The following BABAM2 variants were observed in gnomAD, a reference collection of about 807,000 sequenced individuals.
BABAM2 encodes the protein BRISC and BRCA1-A complex member 2.
A neutral mutation model predicts 54.7 loss-of-function variants in BABAM2; 31 were observed. The observed-to-expected ratio is 0.57, with a 90% CI of 0.43 to 0.77. The LOEUF is 0.77. BABAM2 is among the 30% of genes least tolerant of loss of function. The pLI is 0.00. For missense variants in BABAM2, 364 were observed against 455.8 expected (o/e 0.80, Z 1.83); for synonymous variants, 167 against 162.9 (o/e 1.03, Z -0.19).
At chr2:27,979,857 T>C (rs2148469477) in intron 3 of BABAM2, among the ~76,000 whole-genome samples, 1 of 152,270 alleles carries the variant, frequency 6.6e-6, no homozygotes, top group East Asian at 1.9e-4. Flanking sequence ...CTGTGTTCCT[T>C]CTGTAATTAG....
intron 3 of BABAM2, among the ~76,000 whole-genome samples, chr2:27,975,247 A>T (rs1426840377): frequency 6.6e-6 from 1 of 152,094 alleles, no homozygotes; most frequent in Non-Finnish European, 1.5e-5. Context: ...TATTGACAAG[A>T]TGATTTTAAA....
At chr2:27,938,440 A>G (rs1339263633) in intron 3 of BABAM2, among the ~76,000 whole-genome samples, 1 of 151,800 alleles carries the variant, frequency 6.6e-6, no homozygotes, top group Non-Finnish European at 1.5e-5. Context: ...CCCCCAGGCT[A>G]GAATGCAGTG....
At chr2:28,338,174 C>T (rs865860482) in intron 11 of BABAM2, among the ~76,000 whole-genome samples, 2 of 152,146 alleles carry the variant, frequency 1.3e-5, no homozygotes, top group Middle Eastern at 3.2e-3. Flanking sequence ...AAAAGGCAGC[C>T]GGACCTAAGT....
chr2:28,285,955 C>CTT (rs376315142), intron 10 of BABAM2, among the ~76,000 whole-genome samples: 169 of 138,406 alleles, frequency 1.2e-3, no homozygotes, highest in African/African-American at 4.0e-3. Flanking sequence ...CGAATAATAA[C>CTT]TTTTTTTTTT....
intron 5 of BABAM2, among the ~76,000 whole-genome samples, chr2:28,026,957 T>TAA (rs1182851367): frequency 2.4e-4 from 1 of 4,198 alleles, no homozygotes; most frequent in East Asian, 0.1. Context: ...TTAATATATA[T>TAA]AAATATATAT....
chr2:28,044,955 G>A (rs1161131869), intron 5 of BABAM2, among the ~76,000 whole-genome samples: 1 of 150,788 alleles, frequency 6.6e-6, no homozygotes, highest in Non-Finnish European at 1.5e-5. Context: ...ATCTCTGCAT[G>A]ATCTAGTTTG....
chr2:27,928,415 G>T (rs1268082796), intron 2 of BABAM2, among the ~76,000 whole-genome samples: 2 of 152,040 alleles, frequency 1.3e-5, no homozygotes, highest in Non-Finnish European at 2.9e-5. Context: ...CTCCCAAAGT[G>T]CTGGGATTAT....
chr2:27,948,596 C>T (rs1235378325), intron 3 of BABAM2, among the ~76,000 whole-genome samples: 1 of 152,024 alleles, frequency 6.6e-6, no homozygotes, highest in Admixed American at 6.5e-5. Flanking sequence ...CATGGCAAAA[C>T]CCTGTCTCTA....
intron 2 of BABAM2, among the ~76,000 whole-genome samples, chr2:27,905,269 A>G (rs1284483169): frequency 1.3e-5 from 2 of 152,168 alleles, no homozygotes; most frequent in Non-Finnish European, 2.9e-5. Context: ...CAGATTGGAT[A>G]GGGGTTGGAA....
At chr2:28,187,360 G>A (rs1163390251) in intron 7 of BABAM2, among the ~76,000 whole-genome samples, 6 of 152,140 alleles carry the variant, frequency 3.9e-5, no homozygotes, top group African/African-American at 1.4e-4. Flanking sequence ...ACAGTGCCTG[G>A]CACATATTTG....
At chr2:28,069,006 G>A (rs1479686227) in intron 6 of BABAM2, among the ~76,000 whole-genome samples, 4 of 152,150 alleles carry the variant, frequency 2.6e-5, no homozygotes, top group Non-Finnish European at 4.4e-5. Flanking sequence ...CAGGATAATG[G>A]AGACTCCTGG....
chr2:27,940,766 G>A (rs1281535686), intron 3 of BABAM2, among the ~76,000 whole-genome samples: 3 of 152,184 alleles, frequency 2.0e-5, no homozygotes, highest in Non-Finnish European at 4.4e-5. Context: ...ATCAAGTAAA[G>A]CCTATGATGC....
At chr2:27,997,379 C>A (rs1043064554) in intron 4 of BABAM2, among the ~76,000 whole-genome samples, 1 of 152,088 alleles carries the variant, frequency 6.6e-6, no homozygotes, top group African/African-American at 2.4e-5. Flanking sequence ...TACTGTATTT[C>A]TACTATGTCT....
At chr2:27,984,712 G>A (rs1327708303) in intron 3 of BABAM2, among the ~76,000 whole-genome samples, 3 of 151,012 alleles carry the variant, frequency 2.0e-5, no homozygotes, top group Admixed American at 2.0e-4. Context: ...TTTTATTCCA[G>A]TAGGTTTTTG....
intron 6 of BABAM2, among the ~76,000 whole-genome samples, chr2:28,047,137 C>T (rs1348972470): frequency 6.6e-6 from 1 of 152,120 alleles, no homozygotes; most frequent in Non-Finnish European, 1.5e-5. Context: ...GACTAGTTCT[C>T]CATTTTGTAC....
chr2:28,201,707 C>G (rs1401148942), intron 7 of BABAM2, among the ~76,000 whole-genome samples: 1 of 152,190 alleles, frequency 6.6e-6, no homozygotes, highest in Non-Finnish European at 1.5e-5. Context: ...GGAGTCTCAT[C>G]TCCGCTTCGT....
chr2:28,060,798 A>AAACATTTTATCCTG (rs1678794568), intron 6 of BABAM2, among the ~76,000 whole-genome samples: 2 of 152,326 alleles, frequency 1.3e-5, no homozygotes, highest in Non-Finnish European at 2.9e-5. Context: ...TTTTATCCTG[A>AAACATTTTATCCTG]AAACTACAAA....
chr2:27,966,811 T>C (rs537788658), intron 3 of BABAM2, among the ~76,000 whole-genome samples: 3 of 152,342 alleles, frequency 2.0e-5, no homozygotes, highest in Non-Finnish European at 4.4e-5. Flanking sequence ...TTCTCCTCTA[T>C]ATTAAGTAGC....
Position 28,102,363 on chromosome 2 carries a change from T to C in BABAM2, c.571-26908T>C, listed in dbSNP as rs1391325389. Among the ~76,000 whole-genome samples, 5 of 152,262 alleles carry C rather than the reference T, an allele frequency of 3.3e-5. 1 individual carries two copies. Among genetic ancestry groups the C allele is most frequent in the Admixed American group, 3.3e-4 (5 of 15,288 alleles). ...ACTGAACCGACTGCAATTTTTTTAA[T>C]GTCTAAAACATACTTATTCTCATAT... On this transcript the variant is annotated intron_variant, in intron 6 of 11. Transcript: ENST00000379624.
Sources: gnomAD v4.1 joint callset for allele counts (sites outside exome capture counted in the v4.1 genomes callset) on GRCh38, gnomAD v4.1.1 for gene constraint, MANE v1.5 for transcripts, NCBI Gene and HGNC (gene_info 2026-07-23, HGNC 2026-07-21) for gene names.